Variants in CYP4A11 observed in about 807,000 individuals in gnomAD.
CYP4A11 encodes cytochrome P450 4A11.
Under a neutral mutation model 57.7 loss-of-function variants are expected in CYP4A11, and 52 were observed. That is an observed-to-expected ratio of 0.90 (90% CI 0.72 to 1.14). The LOEUF (loss-of-function observed/expected upper bound fraction) is 1.14, where lower values mean the gene tolerates loss of function less well. CYP4A11 is among the 50% of genes most tolerant of loss of function. The probability of loss-of-function intolerance (pLI) is 0.00; values close to 1 mark genes in which losing one functional copy is unlikely to be tolerated. For synonymous variants in CYP4A11, 228 were observed against 247.1 expected (o/e 0.92, Z 0.72); for missense variants, 641 against 642.1 (o/e 1.00, Z 0.02).
Position 46,935,023 on chromosome 1 carries a change from C to T in CYP4A11, c.767G>A (p.Cys256Tyr). The change falls in exon 6 of 12, where the codon TGC becomes TAC. Residue 256 changes from cysteine to tyrosine, a missense_variant. Physicochemically the swap from Cys to Tyr is radical, Grantham distance 194. Coordinates refer to ENST00000310638, the MANE Select transcript of CYP4A11 (RefSeq NM_000778.4). The part of the protein sequence containing the change: ...TSAGRWTHRA[C>Y]QLAHQHTDQV... ...ACCTGTGTGCTGATGGGCCAGCTGG[C>T]AGGCGCGGTGTGTCCAGCGGCCAGC... is the stretch of plus-strand genomic sequence containing the variant. The T allele has an allele frequency of 1.9e-6, 3 of 1,613,960 alleles. No individual in the cohort carries two copies. The highest frequency in any genetic ancestry group is 1.7e-6 in the Non-Finnish European group (2 of 1,179,926).
intron 11 of CYP4A11, 50 bp from the exon 12 acceptor site, chr1:46,930,360 T>TGG: frequency 6.4e-7 from 1 of 1,561,726 alleles, no homozygotes; most frequent in Non-Finnish European, 8.7e-7. Context: ...GGCCCCATTC[T>TGG]GATCTGAGCA....
chr1:46,940,114 A>T (rs2148467521), intron 1 of CYP4A11, among the ~76,000 whole-genome samples: 1 of 131,014 alleles, frequency 7.6e-6, no homozygotes, highest in South Asian at 2.7e-4. Context: ...TGCACAGGGG[A>T]TGGGCTGTGT....
In CYP4A11 at chr1:46,932,370, G is replaced by A. The variant is rs563396745; in HGVS notation, c.1364+391C>T. On this transcript the variant is annotated intron_variant, in intron 11 of 11. Transcript: ENST00000310638. ...TGTGCTGCATTGAGGATGTGTGGGG[G>A]GAGAGAAATCTACAGTTTACTATTC... The A allele has an allele frequency of 1.4e-4, 151 of 1,102,882 alleles. No individual in the cohort carries two copies. The Admixed American group carries it at 2.1e-3, about 15-fold the overall frequency. The allele number at this position is 1,102,882 out of a possible 1,614,324, so 68.3% of individuals were successfully genotyped here. A position where few individuals can be genotyped will look rare whatever the true frequency, so the allele number is the denominator to read the frequency against.
chr1:46,934,350 A>T lies in CYP4A11; in HGVS notation c.914T>A (p.Ile305Asn). The T allele has an allele frequency of 6.3e-7, 1 of 1,588,828 alleles. No individual in the cohort carries two copies. The highest frequency in any genetic ancestry group is 8.6e-7 in the Non-Finnish European group (1 of 1,165,514). Residue 305 changes from isoleucine (I) to asparagine (N), a missense_variant, in exon 8 of 12, where the codon ATC (isoleucine) becomes AAC (asparagine). Physicochemically the swap from Ile to Asn is moderately radical, Grantham distance 149. Transcript: ENST00000310638. ...AGCACGGAGGTCCTTGTCTGACAAG[A>T]TGCTCCCATTCTCCATCTGGGAAGA... ...LLLAKMENGS[I>N]LSDKDLRAEV...
At chr1:46,933,105 A>C (rs1389429680) in intron 9 of CYP4A11, 58 bp from the exon 10 acceptor site, 1 of 1,601,618 alleles carries the variant, frequency 6.2e-7, no homozygotes, top group Non-Finnish European at 8.5e-7. Flanking sequence ...GTGGCCTGGT[A>C]CTTCAGCCAG....
intron 11 of CYP4A11, among the ~76,000 whole-genome samples, chr1:46,931,160 T>G (rs1388054823): frequency 6.6e-6 from 1 of 152,160 alleles, no homozygotes; most frequent in East Asian, 1.9e-4. Context: ...CCTGGCCCTG[T>G]TCATGTGGAG....
At chr1:46,931,901 C>G (rs188607949) in intron 11 of CYP4A11, 1 of 977,452 alleles carries the variant, frequency 1.0e-6, no homozygotes, top group East Asian at 1.1e-4. Flanking sequence ...TGGAGTTTTC[C>G]TCTCCAGCTC....
In CYP4A11 at chr1:46,930,914, C is replaced by G. The variant is rs555699615; in HGVS notation, c.1365-604G>C. Among the ~76,000 whole-genome samples the G allele has an allele frequency of 2.0e-5, 3 of 152,324 alleles. No individual in the cohort carries two copies. The South Asian group carries it at 6.2e-4, about 32-fold the overall frequency. The stretch of plus-strand genomic sequence containing the variant: ...CTGTCTAACCTCACTCCTCCATCCA[C>G]CAGCCCCTGTAGCCTTCTAATTCTA... On this transcript the variant is annotated intron_variant, in intron 11 of 11. Transcript: ENST00000310638.
rs1681682749 is a variant in CYP4A11, at chr1:46,940,440, T to C, written c.195+799A>G. On this transcript the variant is annotated intron_variant, in intron 1 of 11. Coordinates refer to ENST00000310638, the MANE Select transcript of CYP4A11 (RefSeq NM_000778.4). ...GCTGATCATCAAGCTGTGCCAGGAT[T>C]TTGCTGATTGCCGGGGCACAGGAAG... 5.3e-5 allele frequency among the ~76,000 whole-genome samples: 8 copies of C among 152,090 alleles called. No homozygotes were observed. The South Asian group carries it at 1.7e-3, about 32-fold the overall frequency.
chr1:46,933,004 T>A lies in CYP4A11; in HGVS notation c.1266A>T (p.Pro422=). ...LLSIYGLHHN[P]KVWPNPEVFD... Reference sequence around the variant, plus strand: ...ATACCTCTGGGTTGGGCCACACTTTTGGGTTGTGGTGAAGGCCATAAATGG... The same window carrying A: ...ATACCTCTGGGTTGGGCCACACTTTAGGGTTGTGGTGAAGGCCATAAATGG... The change falls in exon 10 of 12, where the codon CCA becomes CCT. Residue 422 remains proline (P), a synonymous_variant. Transcript: ENST00000310638. 1 of 1,614,128 alleles carries A rather than the reference T, an allele frequency of 6.2e-7. No individual in the cohort carries two copies. The highest frequency in any genetic ancestry group is 8.5e-7 in the Non-Finnish European group (1 of 1,180,012).
chr1:46,941,084 A>G (rs189450424), intron 1 of CYP4A11, 155 bp downstream of exon 1: 10 of 960,630 alleles, frequency 1.0e-5, no homozygotes, highest in Non-Finnish European at 1.2e-5. Flanking sequence ...GCTCCTCATG[A>G]CTGGGAAAAG....
rs1346536246 is a variant in CYP4A11, at chr1:46,941,248, G to A, written c.186C>T (p.His62=). 6.8e-6 allele frequency: 11 copies of A among 1,613,272 alleles called. No homozygotes were observed. Among genetic ancestry groups the A allele is most frequent in the Non-Finnish European group, 9.3e-6 (11 of 1,179,492 alleles). Residue 62 remains histidine, a synonymous_variant, in exon 1 of 12, where the codon CAC becomes CAT. Coordinates refer to ENST00000310638, the MANE Select transcript of CYP4A11 (RefSeq NM_000778.4). Reference sequence around the variant, plus strand: ...TTGAGTTCCTCCCTACCTCCTGGATGTGCCCGAAGAGCCAGTGGGAGGGAG... The same window carrying A: ...TTGAGTTCCTCCCTACCTCCTGGATATGCCCGAAGAGCCAGTGGGAGGGAG... ...PCPPSHWLFG[H]IQELQQDQEL...
intron 11 of CYP4A11, among the ~76,000 whole-genome samples, chr1:46,931,005 C>T (rs1276692974): frequency 1.3e-5 from 2 of 152,198 alleles, no homozygotes; most frequent in African/African-American, 2.4e-5. Flanking sequence ...TTTCTGCTTC[C>T]CCTCCCAGCA....
chr1:46,937,125 G>A (rs938161714), intron 3 of CYP4A11, among the ~76,000 whole-genome samples, 177 bp downstream of exon 3: 1 of 152,174 alleles, frequency 6.6e-6, no homozygotes, highest in Non-Finnish European at 1.5e-5. Flanking sequence ...CTGAGCCTCA[G>A]GAAGGTTTGT....
At chr1:46,939,210 CCTT>C (rs1557561010) in intron 1 of CYP4A11, among the ~76,000 whole-genome samples, 1 of 152,220 alleles carries the variant, frequency 6.6e-6, no homozygotes, top group Non-Finnish European at 1.5e-5. Context: ...CTGCCCATCT[CCTT>C]CTGATAATCA....
chr1:46,938,158 A>G, intron 1 of CYP4A11, 21 bp from the exon 2 acceptor site: 1 of 1,614,058 alleles, frequency 6.2e-7, no homozygotes, highest in East Asian at 2.2e-5. Flanking sequence ...GGGTAGACAG[A>G]TGAACACTTT....
chr1:46,932,460 T>G, intron 11 of CYP4A11: 1 of 1,223,626 alleles, frequency 8.2e-7, no homozygotes, highest in Non-Finnish European at 1.0e-6. Flanking sequence ...TTTTGAGAAT[T>G]CATATCCTTA....
chr1:46,938,587 A>C (rs777750408), intron 1 of CYP4A11, among the ~76,000 whole-genome samples: 1 of 152,228 alleles, frequency 6.6e-6, no homozygotes, highest in Non-Finnish European at 1.5e-5. Context: ...AATATTTGTT[A>C]AGATAAAATA....
Position 46,931,662 on chromosome 1 carries a change from TAGG to T in CYP4A11, c.1364+1096_1364+1098del, listed in dbSNP as rs905447104. The T allele has an allele frequency of 8.8e-6, 6 of 680,088 alleles. No individual in the cohort carries two copies. In the African/African-American group the frequency reaches 1.2e-4, roughly 13 times the overall value. The allele number at this position is 680,088 out of a possible 1,614,324, so 42.1% of individuals were successfully genotyped here. The stretch of plus-strand genomic sequence containing the variant: ...AGCGACATGATTTGCAGGCAATGTT[TAGG>T]AGGACTTTCTCATGCTGGGATAGAC... On this transcript the variant is annotated intron_variant, in intron 11 of 11. Coordinates refer to ENST00000310638, the MANE Select transcript of CYP4A11 (RefSeq NM_000778.4).
Sources: gnomAD v4.1 joint callset for allele counts (sites outside exome capture counted in the v4.1 genomes callset) on GRCh38, gnomAD v4.1.1 for gene constraint, MANE v1.5 for transcripts, NCBI Gene and HGNC (gene_info 2026-07-23, HGNC 2026-07-21) for gene names.